Variants in DNAH6 observed in about 807,000 individuals in gnomAD.
DNAH6 encodes the protein axonemal beta dynein heavy chain 6.
In DNAH6, 340 loss-of-function variants were observed where a neutral mutation model predicts 491.4. The observed-to-expected ratio is 0.69, with a 90% CI of 0.63 to 0.76. The LOEUF is 0.76. Among genes scored for constraint, DNAH6 ranks in the 30% least tolerant of loss-of-function variants. The pLI is 0.00. For synonymous variants in DNAH6, 1,603 were observed against 1,686.1 expected, an observed-to-expected ratio of 0.95 and a Z score of 1.21; for missense variants, 4,443 against 4,972.2, an observed-to-expected ratio of 0.89 and a Z score of 3.20.
intron 64 of DNAH6, among the ~76,000 whole-genome samples, chr2:84,772,618 C>T (rs981915290): frequency 6.6e-6 from 1 of 152,016 alleles, no homozygotes; most frequent in Non-Finnish European, 1.5e-5. Flanking sequence ...AATACATATG[C>T]ACCTAACAAC....
the DNAH6 span, among the ~76,000 whole-genome samples, chr2:84,484,450 A>G: frequency 1.3e-5 from 2 of 152,230 alleles, no homozygotes; most frequent in African/African-American, 2.4e-5. Flanking sequence ...ACCAAAACCA[A>G]AAGTTGGTAT....
At chr2:84,643,649 A>C (rs1018573838) in intron 33 of DNAH6, among the ~76,000 whole-genome samples, 3 of 152,120 alleles carry the variant, frequency 2.0e-5, no homozygotes, top group African/African-American at 7.2e-5. Context: ...TGTCCAATCT[A>C]CTAATAAGCC....
chr2:84,648,506 CAG>C (rs1376254552), intron 33 of DNAH6, among the ~76,000 whole-genome samples: 5 of 152,148 alleles, frequency 3.3e-5, no homozygotes, highest in African/African-American at 1.2e-4. Context: ...CATGGTAAGA[CAG>C]AATGTCAACA....
intron 19 of DNAH6, 67 bp downstream of exon 19, chr2:84,604,618 T>A: frequency 1.6e-6 from 2 of 1,236,370 alleles, no homozygotes; most frequent in Non-Finnish European, 2.3e-6. Flanking sequence ...ATTCAACATT[T>A]GGTGATCTGG....
intron 76 of DNAH6, among the ~76,000 whole-genome samples, chr2:84,816,456 G>T (rs944622549): frequency 1.3e-5 from 2 of 152,144 alleles, no homozygotes; most frequent in Admixed American, 6.5e-5. Context: ...GGGAAAGGTG[G>T]CTCACCCCTT....
chr2:84,761,782 A>T (rs1674598945), intron 63 of DNAH6, among the ~76,000 whole-genome samples: 1 of 135,338 alleles, frequency 7.4e-6, no homozygotes, highest in Non-Finnish European at 1.6e-5. Flanking sequence ...ACATACACAC[A>T]CACACATACA....
At chr2:84,610,987 A>G (rs1444760273) in intron 21 of DNAH6, among the ~76,000 whole-genome samples, 1 of 152,226 alleles carries the variant, frequency 6.6e-6, no homozygotes, top group Non-Finnish European at 1.5e-5. Context: ...AGTGGTTGTA[A>G]CATTTGGGCT....
In DNAH6 at chr2:84,713,262, A is replaced by G; in HGVS notation, c.9543+3A>G. 6.4e-7 allele frequency: 1 copy of G among 1,551,328 alleles called. No homozygotes were observed. The highest frequency in any genetic ancestry group is 8.7e-7 in the Non-Finnish European group (1 of 1,146,664). ...CAAATCCCCACTATCTGCCTGAGGT[A>G]TGAACTACTGGTCTGGAATTCTCAA... On this transcript the variant is annotated splice_donor_region_variant and intron_variant, in intron 57 of 76. Coordinates refer to ENST00000389394, the MANE Select transcript of DNAH6 (RefSeq NM_001370.2).
chr2:84,753,909 C>T (rs557258213), intron 63 of DNAH6, among the ~76,000 whole-genome samples: 8 of 151,010 alleles, frequency 5.3e-5, no homozygotes, highest in Non-Finnish European at 1.2e-4. Flanking sequence ...ACTGCAACCT[C>T]CACCTCCCAG....
Position 84,805,813 on chromosome 2 carries a change from A to G in DNAH6, c.11611+19A>G. ...GTTCCAGGTAATAAATAATTCTAGG[A>G]ATCTGTATGTAATGGGAATTTTAGG... On this transcript the variant is annotated intron_variant, in intron 71 of 76. Coordinates refer to ENST00000389394, the MANE Select transcript of DNAH6 (RefSeq NM_001370.2). 6.5e-7 allele frequency: 1 copy of G among 1,545,230 alleles called. No individual in the cohort carries two copies. The highest frequency in any genetic ancestry group is 8.7e-7 in the Non-Finnish European group (1 of 1,144,176).
intron 43 of DNAH6, among the ~76,000 whole-genome samples, 177 bp downstream of exon 43, chr2:84,685,649 A>G (rs373909711): frequency 6.6e-6 from 1 of 152,070 alleles, no homozygotes; most frequent in East Asian, 1.9e-4. Context: ...AAATAATTTT[A>G]TTAAAATTCA....
At chr2:84,777,104 A>G (rs949222670) in intron 64 of DNAH6, among the ~76,000 whole-genome samples, 2 of 152,202 alleles carry the variant, frequency 1.3e-5, no homozygotes, top group African/African-American at 4.8e-5. Context: ...GTGGGGTGGC[A>G]GGATTGGGGA....
chr2:84,758,288 AT>A (rs1266348373), intron 63 of DNAH6, among the ~76,000 whole-genome samples: 1 of 152,244 alleles, frequency 6.6e-6, no homozygotes, highest in Non-Finnish European at 1.5e-5. Flanking sequence ...ATTGTAATTC[AT>A]TGTAAACTCT....
intron 40 of DNAH6, among the ~76,000 whole-genome samples, chr2:84,672,729 A>T (rs576203418): frequency 6.6e-6 from 1 of 151,916 alleles, no homozygotes; most frequent in Non-Finnish European, 1.5e-5. Flanking sequence ...CTGTGTCCAA[A>T]CCTCTTCTTA....
chr2:84,693,376 C>A (rs377523401), intron 45 of DNAH6, among the ~76,000 whole-genome samples: 1 of 148,572 alleles, frequency 6.7e-6, no homozygotes, highest in African/African-American at 2.5e-5. Flanking sequence ...CTCTACCCAA[C>A]TTTTCCTAAA....
rs527812697 is a variant in DNAH6 at position 84,592,250 on chromosome 2, C to CA, written c.2611-1712dup. Among the ~76,000 whole-genome samples, 1,340 of 144,656 alleles carry CA rather than the reference C, an allele frequency of 9.3e-3. 7 individuals are homozygous for CA. The highest frequency in any genetic ancestry group is 0.015 in the African/African-American group (601 of 39,856). 94.9% of individuals were successfully genotyped at this position (144,656 alleles called of 152,430 possible). A position where few individuals can be genotyped will look rare whatever the true frequency, so the allele number is the denominator to read the frequency against. ...TAAGGAACTCCTACAACACAATAGC[C>CA]AAAAAAAAAACCCAAATTTTTAAAA... On this transcript the variant is annotated intron_variant, in intron 16 of 76. Coordinates refer to ENST00000389394, the MANE Select transcript of DNAH6 (RefSeq NM_001370.2).
intron 9 of DNAH6, 112 bp downstream of exon 9, chr2:84,550,169 C>A: frequency 2.3e-6 from 2 of 881,440 alleles, no homozygotes; most frequent in Non-Finnish European, 3.3e-6. Context: ...AAGAGAAATG[C>A]ATAGAGCAGC....
chr2:84,698,138 G>T (rs1378071851), intron 47 of DNAH6, among the ~76,000 whole-genome samples: 3 of 152,036 alleles, frequency 2.0e-5, no homozygotes, highest in South Asian at 4.1e-4. Context: ...TCACTCTCTC[G>T]GGAACAGTGT....
intron 3 of DNAH6, among the ~76,000 whole-genome samples, chr2:84,527,428 T>C (rs1247672029): frequency 6.6e-6 from 1 of 152,198 alleles, no homozygotes; most frequent in Non-Finnish European, 1.5e-5. Flanking sequence ...GGAAAATATC[T>C]AACCCTGTTA....
Sources: gnomAD v4.1 joint callset for allele counts (sites outside exome capture counted in the v4.1 genomes callset) on GRCh38, gnomAD v4.1.1 for gene constraint, MANE v1.5 for transcripts, NCBI Gene and HGNC (gene_info 2026-07-23, HGNC 2026-07-21) for gene names.